DYNC1I2: variants seen among roughly 807,000 people sequenced by gnomAD.
The protein encoded by DYNC1I2 is dynein cytoplasmic 1 intermediate chain 2.
Under a neutral mutation model 88.6 loss-of-function variants are expected in DYNC1I2, and 53 were observed. That is an observed-to-expected ratio of 0.60 (90% CI 0.48 to 0.75). The LOEUF (loss-of-function observed/expected upper bound fraction) is 0.75. Among genes scored for constraint, DYNC1I2 ranks in the 30% least tolerant of loss-of-function variants. DYNC1I2 has a pLI of 0.00. For synonymous variants in DYNC1I2, 198 were observed against 254.6 expected (o/e 0.78, Z 2.12); for missense variants, 458 against 766.6 (o/e 0.60, Z 4.75).
At position 171,691,053 on chromosome 2, in the gene DYNC1I2, G is replaced by A. The variant is rs565016900; in HGVS notation, c.108+790G>A. Among the ~76,000 whole-genome samples the A allele has an allele frequency of 4.9e-4, 74 of 152,190 alleles. 1 individual carries two copies. The highest frequency in any genetic ancestry group is 1.7e-3 in the African/African-American group (71 of 41,520). ...TCTGAATATTTTGCTAGTCTGAATT[G>A]CTAATTTGTCAGAATGGATAATATT... On this transcript the variant is annotated intron_variant, in intron 2 of 17. Coordinates refer to ENST00000397119, the MANE Select transcript of DYNC1I2 (RefSeq NM_001378.3).
intron 15 of DYNC1I2, 68 bp from the exon 16 acceptor site, chr2:171,743,976 TCCCAG>T: frequency 7.7e-7 from 1 of 1,305,986 alleles, no homozygotes; most frequent in Non-Finnish European, 1.0e-6. Flanking sequence ...GTCATTTTTT[TCCCAG>T]TGATAAGTAG....
intron 6 of DYNC1I2, among the ~76,000 whole-genome samples, chr2:171,713,446 T>C (rs1162535031): frequency 6.6e-6 from 1 of 151,718 alleles, no homozygotes; most frequent in African/African-American, 2.4e-5. Flanking sequence ...TTTGCTTTTT[T>C]TTTTGGCATA....
chr2:171,739,682 C>T (rs890887351), intron 15 of DYNC1I2, among the ~76,000 whole-genome samples: 3 of 141,122 alleles, frequency 2.1e-5, no homozygotes, highest in Non-Finnish European at 4.6e-5. Context: ...CATCCATTTG[C>T]GATTGACATA....
chr2:171,712,682 G>A, intron 5 of DYNC1I2, 85 bp from the exon 6 acceptor site: 2 of 945,638 alleles, frequency 2.1e-6, no homozygotes, highest in Non-Finnish European at 3.3e-6. Flanking sequence ...TAGTACTTTA[G>A]CTTTAGCTAT....
intron 14 of DYNC1I2, 124 bp from the exon 15 acceptor site, chr2:171,729,585 T>G (rs1473750661): frequency 1.0e-6 from 1 of 977,148 alleles, no homozygotes; most frequent in African/African-American, 1.6e-5. Flanking sequence ...TGATAAGTTA[T>G]GAGCACAGAG....
At chr2:171,743,831 A>G (rs1689607757) in intron 15 of DYNC1I2, among the ~76,000 whole-genome samples, 1 of 152,254 alleles carries the variant, frequency 6.6e-6, no homozygotes, top group South Asian at 2.1e-4. Context: ...GGCATCTACA[A>G]GTTAAAAAGA....
intron 15 of DYNC1I2, 28 bp from the exon 16 acceptor site, chr2:171,744,021 G>A (rs142476114): frequency 3.4e-5 from 54 of 1,598,106 alleles, no homozygotes; most frequent in African/African-American, 3.1e-4. Context: ...TATATGGACT[G>A]TGCTAAGAAT....
intron 3 of DYNC1I2, among the ~76,000 whole-genome samples, chr2:171,694,438 A>G (rs1279206819): frequency 6.6e-6 from 1 of 152,052 alleles, no homozygotes; most frequent in East Asian, 1.9e-4. Flanking sequence ...TGGGCGGATC[A>G]CCTGAGGTCG....
chr2:171,710,702 T>TC (rs1469281673), intron 5 of DYNC1I2, among the ~76,000 whole-genome samples: 1 of 151,420 alleles, frequency 6.6e-6, no homozygotes, highest in East Asian at 1.9e-4. Flanking sequence ...TTTTTTCCTT[T>TC]TTTTTTTTTT....
intron 5 of DYNC1I2, 149 bp from the exon 6 acceptor site, chr2:171,712,618 T>G: frequency 1.7e-6 from 1 of 584,578 alleles, no homozygotes; most frequent in Non-Finnish European, 3.0e-6. Context: ...TCTTGTTTTG[T>G]TTTCGATTTT....
chr2:171,707,584 A>C (rs34531723), intron 5 of DYNC1I2, among the ~76,000 whole-genome samples: 71,721 of 151,964 alleles, frequency 0.47, 19,165 homozygotes, highest in East Asian at 0.7. Context: ...TGTCACATTT[A>C]ATTAACTTAG....
intron 7 of DYNC1I2, among the ~76,000 whole-genome samples, chr2:171,718,849 C>G (rs1280780495): frequency 6.6e-6 from 1 of 152,128 alleles, no homozygotes; most frequent in African/African-American, 2.4e-5. Flanking sequence ...CACCAAAACC[C>G]TGAAAGTTAG....
Position 171,729,738 on chromosome 2 carries a change from G to A in DYNC1I2, c.1421G>A (p.Gly474Glu). ...GCTGGAATCAGTGAGATGTTTGAGGGGCATCAAGGACCAATCACTGGCATC... is the reference window on the plus strand; with the variant it reads ...GCTGGAATCAGTGAGATGTTTGAGGAGCATCAAGGACCAATCACTGGCATC... Reference protein sequence around the residue: ...SKAGISEMFEGHQGPITGIHC... With the variant: ...SKAGISEMFEEHQGPITGIHC... The change falls in exon 15 of 18, where the codon GGG becomes GAG. Residue 474 changes from glycine (G) to glutamate (E), a missense_variant. Gly to Glu is a moderately conservative substitution (Grantham distance 98). Transcript: ENST00000397119. 6.2e-7 allele frequency: 1 copy of A among 1,612,724 alleles called. No homozygotes were observed. The highest frequency in any genetic ancestry group is 8.5e-7 in the Non-Finnish European group (1 of 1,179,720).
intron 5 of DYNC1I2, among the ~76,000 whole-genome samples, chr2:171,711,066 T>C (rs2105571838): frequency 6.9e-6 from 1 of 144,756 alleles, no homozygotes; most frequent in Non-Finnish European, 1.5e-5. Context: ...CTCCTTCCTA[T>C]GTCCAAGTGT....
At chr2:171,704,686 T>G (rs1686540341) in intron 3 of DYNC1I2, among the ~76,000 whole-genome samples, 1 of 152,086 alleles carries the variant, frequency 6.6e-6, no homozygotes, top group African/African-American at 2.4e-5. Context: ...AACCTGTGAG[T>G]TGATTAGTGT....
intron 3 of DYNC1I2, among the ~76,000 whole-genome samples, chr2:171,703,818 G>A (rs542606974): frequency 6.6e-6 from 1 of 152,260 alleles, no homozygotes; most frequent in Admixed American, 6.5e-5. Flanking sequence ...GGGCATTATT[G>A]TAACGTGGAC....
At chr2:171,730,574 A>G (rs1688539870) in intron 15 of DYNC1I2, among the ~76,000 whole-genome samples, 1 of 152,204 alleles carries the variant, frequency 6.6e-6, no homozygotes, top group African/African-American at 2.4e-5. Flanking sequence ...ATAGACTTGT[A>G]ATTTCATTTA....
At chr2:171,727,776 A>T (rs1244546765) in intron 11 of DYNC1I2, 45 bp from the exon 12 acceptor site, 1 of 1,581,974 alleles carries the variant, frequency 6.3e-7, no homozygotes, top group Non-Finnish European at 8.6e-7. Context: ...CTTGTCAGGC[A>T]TTTTCCATTT....
At chr2:171,716,649 C>T (rs976844377) in intron 7 of DYNC1I2, among the ~76,000 whole-genome samples, 1 of 151,988 alleles carries the variant, frequency 6.6e-6, no homozygotes, top group Admixed American at 6.6e-5. Flanking sequence ...TGGCTCACAC[C>T]CGTACTAGCA....
Sources: gnomAD v4.1 joint callset for allele counts (sites outside exome capture counted in the v4.1 genomes callset) on GRCh38, gnomAD v4.1.1 for gene constraint, MANE v1.5 for transcripts, NCBI Gene and HGNC (gene_info 2026-07-23, HGNC 2026-07-21) for gene names.